The following WASF2 variants were observed in gnomAD, a reference collection of about 807,000 sequenced individuals.
The protein encoded by WASF2 is actin-binding protein WASF2.
Under a neutral mutation model 45.0 loss-of-function variants are expected in WASF2, and 14 were observed. The ratio of observed to expected loss-of-function variants is 0.31; its 90% CI spans 0.21 to 0.49. The LOEUF (loss-of-function observed/expected upper bound fraction) is 0.49. WASF2 is among the 20% of genes least tolerant of loss of function. WASF2 has a pLI of 0.99. For synonymous variants in WASF2, 200 were observed against 236.3 expected (o/e 0.85, Z 1.41); for missense variants, 439 against 636.1 (o/e 0.69, Z 3.33).
intron 1 of WASF2, chr1:27,457,218 C>T (rs2017481713): frequency 1.3e-5 from 2 of 152,072 alleles, no homozygotes; most frequent in African/African-American, 4.8e-5. Context: ...GGTAAGTTAT[C>T]TTTTCCTAGG....
chr1:27,466,224 CT>C (rs1276371729), intron 1 of WASF2, among the ~76,000 whole-genome samples: 1 of 152,172 alleles, frequency 6.6e-6, no homozygotes, highest in East Asian at 1.9e-4. Flanking sequence ...TAAACTTTTT[CT>C]TTTTTGAAGT....
intron 1 of WASF2, among the ~76,000 whole-genome samples, chr1:27,430,582 G>C (rs1468574669): frequency 6.6e-6 from 1 of 151,800 alleles, no homozygotes; most frequent in East Asian, 1.9e-4. Context: ...GACTTGTCTC[G>C]AACTCCTGAG....
chr1:27,465,401 T>C (rs566533805), intron 1 of WASF2, among the ~76,000 whole-genome samples: 1 of 152,336 alleles, frequency 6.6e-6, no homozygotes, highest in Non-Finnish European at 1.5e-5. Context: ...AGGATCTCTA[T>C]CTAACAAAAT....
intron 3 of WASF2, 71 bp from the exon 4 acceptor site, chr1:27,418,493 G>A (rs1457338428): frequency 1.1e-5 from 18 of 1,595,928 alleles, no homozygotes; most frequent in African/African-American, 2.7e-5. Context: ...CACACCAGTC[G>A]GAGAGGCCTC....
chr1:27,425,429 G>A (rs369274082), intron 2 of WASF2, among the ~76,000 whole-genome samples: 73 of 152,186 alleles, frequency 4.8e-4, no homozygotes, highest in Non-Finnish European at 8.1e-4. Context: ...AAGGCTGGGC[G>A]TGGTGGATCA....
At chr1:27,441,381 AC>A (rs1214889239) in intron 1 of WASF2, among the ~76,000 whole-genome samples, 1 of 151,128 alleles carries the variant, frequency 6.6e-6, no homozygotes, top group Non-Finnish European at 1.5e-5. Context: ...TAATCCCAGC[AC>A]TTTGGGAGGC....
chr1:27,419,122 A>AGTAACGT, intron 2 of WASF2, 34 bp from the exon 3 acceptor site: 3 of 1,609,202 alleles, frequency 1.9e-6, no homozygotes, highest in Non-Finnish European at 2.6e-6. Context: ...TCACTAGTGC[A>AGTAACGT]TAGAAGTAAC....
chr1:27,426,531 G>T (rs571358354), intron 2 of WASF2, among the ~76,000 whole-genome samples: 4 of 137,934 alleles, frequency 2.9e-5, no homozygotes, highest in Non-Finnish European at 6.3e-5. Context: ...TTTTTTTTGA[G>T]ATGAAGTCTC....
chr1:27,412,071 C>T (rs1249535575), intron 7 of WASF2, among the ~76,000 whole-genome samples: 1 of 152,174 alleles, frequency 6.6e-6, no homozygotes, highest in Non-Finnish European at 1.5e-5. Flanking sequence ...CTCATTGTAA[C>T]ATGGGGATAG....
At chr1:27,462,966 C>T (rs1027303932) in intron 1 of WASF2, among the ~76,000 whole-genome samples, 6 of 151,814 alleles carry the variant, frequency 4.0e-5, no homozygotes, top group South Asian at 2.1e-4. Context: ...ATTACAGGTG[C>T]GCGCCACCAT....
intron 6 of WASF2, among the ~76,000 whole-genome samples, chr1:27,413,520 AAACT>A (rs1483642870): frequency 2.6e-5 from 4 of 152,166 alleles, no homozygotes; most frequent in Non-Finnish European, 4.4e-5. Flanking sequence ...GAGTTGGAGA[AAACT>A]AACTGAATCA....
intron 1 of WASF2, among the ~76,000 whole-genome samples, chr1:27,431,115 A>G (rs1319470400): frequency 6.6e-6 from 1 of 152,208 alleles, no homozygotes; most frequent in African/African-American, 2.4e-5. Flanking sequence ...CAAGAGAATC[A>G]GCTGTTTGCT....
intron 1 of WASF2, among the ~76,000 whole-genome samples, chr1:27,476,684 T>C (rs1371204764): frequency 6.6e-6 from 1 of 151,634 alleles, no homozygotes; most frequent in Admixed American, 6.6e-5. Context: ...AATAAGAGAG[T>C]TGTGACACAG....
chr1:27,481,118 A>G (rs2017842919), intron 1 of WASF2, among the ~76,000 whole-genome samples: 1 of 150,598 alleles, frequency 6.6e-6, no homozygotes, highest in Non-Finnish European at 1.5e-5. Flanking sequence ...TACATGGTGA[A>G]ACCCCGTCTC....
At chr1:27,448,343 T>A (rs891138275) in intron 1 of WASF2, among the ~76,000 whole-genome samples, 1 of 152,180 alleles carries the variant, frequency 6.6e-6, no homozygotes, top group African/African-American at 2.4e-5. Flanking sequence ...TTCCACAATG[T>A]CTGAGTGTAG....
rs531744622 is a variant in WASF2 at position 27,419,602 on chromosome 1, G to A, written c.131-514C>T. On this transcript the variant is annotated intron_variant, in intron 2 of 8. Transcript: ENST00000618852. Reference sequence around the variant, plus strand: ...TGCACCCCATCCTGGGTGACGGAGCGAGACTCCAAATAAAATAAACACTAC... The same window carrying A: ...TGCACCCCATCCTGGGTGACGGAGCAAGACTCCAAATAAAATAAACACTAC... 2.0e-5 allele frequency among the ~76,000 whole-genome samples: 3 copies of A among 152,276 alleles called. No individual in the cohort carries two copies. In the East Asian group the frequency reaches 5.8e-4, roughly 29 times the overall value.
rs1557626649 is a variant in WASF2, at chr1:27,487,636, A to ATAATATATATTATATATATTTTATACAAT, written c.-44+2349_-44+2350insATTGTATAAAATATATATAATATATATTA. On this transcript the variant is annotated intron_variant, in intron 1 of 8. Transcript: ENST00000618852. Reference sequence around the variant, plus strand: ...ATTATATATATTTTATACAATATATAATATATATTATATATTATATAATAT... The same window carrying ATAATATATATTATATATATTTTATACAAT: ...ATTATATATATTTTATACAATATATATAATATATATTATATATATTTTATACAATATATATATTATATATTATATAATAT... Among the ~76,000 whole-genome samples the ATAATATATATTATATATATTTTATACAAT allele has an allele frequency of 8.0e-4, 65 of 81,180 alleles. 1 individual carries two copies. Among genetic ancestry groups the ATAATATATATTATATATATTTTATACAAT allele is most frequent in the African/African-American group, 3.5e-3 (62 of 17,758 alleles). The allele number at this position is 81,180 out of a possible 152,430, so 53.3% of individuals were successfully genotyped here. A position where few individuals can be genotyped will look rare whatever the true frequency, so the allele number is the denominator to read the frequency against.
chr1:27,412,595 C>T lies in WASF2; in HGVS notation c.801G>A (p.Leu267=). The T allele has an allele frequency of 6.2e-7, 1 of 1,614,166 alleles. No homozygotes were observed. Among genetic ancestry groups the T allele is most frequent in the Non-Finnish European group, 8.5e-7 (1 of 1,180,044 alleles). The stretch of plus-strand genomic sequence containing the variant: ...ACCTGAATTCTGCTGGTGGAGGAGG[C>T]AAGTTGTCCTCGGAGAAGGAAGGAG... ...SPSPSFSEDN[L]PPPPAEFSYP... The change falls in exon 7 of 9, where the codon TTG becomes TTA. Residue 267 remains leucine (L), a synonymous_variant. Transcript: ENST00000618852.
chr1:27,410,220 GAA>G lies in WASF2; in HGVS notation c.825-16_825-15del. On this transcript the variant is annotated splice_polypyrimidine_tract_variant and intron_variant, in intron 7 of 8. Transcript: ENST00000618852. This position sits in a 1 kb window ranked among gnomAD's most constrained non-coding sequence, Gnocchi z 4.2. ...TCCACTGGGTAACTAAAAGGCCAAA[GAA>G]AAAAAGACTCACCATCACCCTTAGA... 1 of 1,612,688 alleles carries G rather than the reference GAA, an allele frequency of 6.2e-7. No homozygotes were observed. Among genetic ancestry groups the G allele is most frequent in the African/African-American group, 1.3e-5 (1 of 74,806 alleles).
Sources: gnomAD v4.1 joint callset for allele counts (sites outside exome capture counted in the v4.1 genomes callset) on GRCh38, gnomAD v4.1.1 for gene constraint, Gnocchi (gnomAD v3.1) non-coding constraint, MANE v1.5 for transcripts, NCBI Gene and HGNC (gene_info 2026-07-23, HGNC 2026-07-21) for gene names.